The following NPLOC4 variants were observed in gnomAD, a reference collection of about 807,000 sequenced individuals.
The protein encoded by NPLOC4 is NPL4 homolog, ubiquitin recognition factor, also known as nuclear protein localization protein 4 homolog.
Under a neutral mutation model 80.6 loss-of-function variants are expected in NPLOC4, and 18 were observed. That is an observed-to-expected ratio of 0.22 (90% CI 0.15 to 0.33). The LOEUF (loss-of-function observed/expected upper bound fraction) is 0.33. Among genes scored for constraint, NPLOC4 ranks in the 10% least tolerant of loss-of-function variants. NPLOC4 has a pLI of 1.00. For synonymous variants in NPLOC4, 313 were observed against 301.5 expected, an observed-to-expected ratio of 1.04 and a Z score of -0.39; for missense variants, 540 against 786.1, an observed-to-expected ratio of 0.69 and a Z score of 3.74.
chr17:81,615,539 A>G (rs551883794), intron 3 of NPLOC4, among the ~76,000 whole-genome samples: 1 of 152,376 alleles, frequency 6.6e-6, no homozygotes, highest in East Asian at 1.9e-4. Flanking sequence ...AAAGTAGAGG[A>G]AATCCCCAGG....
chr17:81,626,248 G>A (rs543453013), intron 2 of NPLOC4, among the ~76,000 whole-genome samples: 13 of 151,666 alleles, frequency 8.6e-5, no homozygotes, highest in Admixed American at 3.9e-4. Flanking sequence ...CCCCGGAGGC[G>A]GAGGTTGCAG....
intron 16 of NPLOC4, among the ~76,000 whole-genome samples, chr17:81,559,748 T>TC (rs1555677035): frequency 2.4e-5 from 3 of 125,954 alleles, no homozygotes; most frequent in Admixed American, 7.8e-5. Context: ...TTTTTTTTTT[T>TC]CTGAGGTAGG....
chr17:81,586,833 G>C (rs1197055813), intron 12 of NPLOC4, among the ~76,000 whole-genome samples: 3 of 152,224 alleles, frequency 2.0e-5, no homozygotes, highest in African/African-American at 7.2e-5. Context: ...AAAAAGGGAA[G>C]GATCAACAAT....
chr17:81,570,473 C>T (rs572708872), intron 13 of NPLOC4, among the ~76,000 whole-genome samples: 5 of 152,334 alleles, frequency 3.3e-5, no homozygotes, highest in African/African-American at 2.4e-5. Flanking sequence ...CCCCAGAACA[C>T]GTGCTAGTGA....
intron 3 of NPLOC4, among the ~76,000 whole-genome samples, chr17:81,614,697 G>C (rs1332034743): frequency 1.3e-5 from 2 of 152,130 alleles, no homozygotes; most frequent in African/African-American, 4.8e-5. Context: ...CTGCCAACTT[G>C]GTGCCAGGTT....
intron 11 of NPLOC4, among the ~76,000 whole-genome samples, chr17:81,590,939 C>T (rs1423268533): frequency 6.6e-6 from 1 of 152,168 alleles, no homozygotes; most frequent in Non-Finnish European, 1.5e-5. Flanking sequence ...TTTCTCCCTG[C>T]CCCAAACTCA....
rs193125628 is a variant in NPLOC4 at position 81,609,451 on chromosome 17, C to T, written c.436-629G>A. ...CTTCCTGAGTAGCTGGGACTACAGGCGTGAACCACCACACCCAGCTAATTT... is the reference window on the plus strand; with the variant it reads ...CTTCCTGAGTAGCTGGGACTACAGGTGTGAACCACCACACCCAGCTAATTT... On this transcript the variant is annotated intron_variant, in intron 5 of 16. Coordinates refer to ENST00000331134, the MANE Select transcript of NPLOC4 (RefSeq NM_017921.4). Among the ~76,000 whole-genome samples, 9 of 152,132 alleles carry T rather than the reference C, an allele frequency of 5.9e-5. No individual in the cohort carries two copies. The East Asian group carries it at 1.7e-3, about 29-fold the overall frequency.
chr17:81,590,384 G>T (rs563223141), intron 11 of NPLOC4, among the ~76,000 whole-genome samples: 5 of 152,354 alleles, frequency 3.3e-5, no homozygotes, highest in African/African-American at 1.2e-4. Context: ...AAGTGAGCTG[G>T]GCAGATGATG....
At chr17:81,608,241 A>C (rs1459083866) in intron 6 of NPLOC4, among the ~76,000 whole-genome samples, 1 of 152,196 alleles carries the variant, frequency 6.6e-6, no homozygotes, top group Non-Finnish European at 1.5e-5. Context: ...AGATTCTCAC[A>C]GGGTAGTTGT....
chr17:81,582,678 C>G (rs943246001), intron 12 of NPLOC4, among the ~76,000 whole-genome samples: 10 of 152,226 alleles, frequency 6.6e-5, no homozygotes, highest in Non-Finnish European at 1.2e-4. Context: ...GCTGGGATTA[C>G]AAGTGTGAGC....
chr17:81,607,872 C>T (rs954598897), intron 6 of NPLOC4, among the ~76,000 whole-genome samples: 2 of 152,150 alleles, frequency 1.3e-5, no homozygotes, highest in Admixed American at 6.6e-5. Flanking sequence ...TACAATCAGG[C>T]GAATATGACA....
chr17:81,600,247 C>G, intron 9 of NPLOC4, 94 bp downstream of exon 9: 1 of 847,444 alleles, frequency 1.2e-6, no homozygotes, highest in Non-Finnish European at 1.9e-6. Flanking sequence ...AGCCAGTACC[C>G]GACACAGCCC....
At chr17:81,612,444 A>T (rs2035366028) in intron 4 of NPLOC4, among the ~76,000 whole-genome samples, 1 of 152,220 alleles carries the variant, frequency 6.6e-6, no homozygotes, top group Non-Finnish European at 1.5e-5. Flanking sequence ...GAGGAGACAC[A>T]AATGGAAGAG....
At chr17:81,599,295 A>C (rs1027009019) in intron 9 of NPLOC4, among the ~76,000 whole-genome samples, 1 of 152,114 alleles carries the variant, frequency 6.6e-6, no homozygotes, top group African/African-American at 2.4e-5. Context: ...CAAAAAAAAA[A>C]AATAAAATAA....
chr17:81,583,072 G>T (rs961413840), intron 12 of NPLOC4, among the ~76,000 whole-genome samples: 2 of 152,274 alleles, frequency 1.3e-5, no homozygotes, highest in African/African-American at 4.8e-5. Flanking sequence ...ACACACCCAT[G>T]TGCATTCATG....
chr17:81,629,779 T>C lies in NPLOC4; in HGVS notation c.42A>G (p.Gly14=), dbSNP rs759668591. Residue 14 remains glycine, a synonymous_variant, in exon 2 of 17, where the codon GGA becomes GGG. Coordinates refer to ENST00000331134, the MANE Select transcript of NPLOC4 (RefSeq NM_017921.4). ...SIIIRVQSPD[G]VKRITATKRE... is the part of the protein sequence containing the mutation. ...TCTTTGTTGCTGTGATCCGCTTCAC[T>C]CCATCCGGGGACTGGACACGAATTA... is the stretch of plus-strand genomic sequence containing the variant. 1 of 1,613,808 alleles carries C rather than the reference T, an allele frequency of 6.2e-7. No individual in the cohort carries two copies. Among genetic ancestry groups the C allele is most frequent in the Non-Finnish European group, 8.5e-7 (1 of 1,179,710 alleles).
intron 7 of NPLOC4, among the ~76,000 whole-genome samples, chr17:81,606,267 C>T (rs368658448): frequency 1.8e-4 from 28 of 152,068 alleles, no homozygotes; most frequent in Non-Finnish European, 4.0e-4. Flanking sequence ...TACTCAGAGG[C>T]GGGACAAGGA....
At chr17:81,617,846 A>C (rs1474214103) in intron 3 of NPLOC4, among the ~76,000 whole-genome samples, 2 of 152,042 alleles carry the variant, frequency 1.3e-5, no homozygotes, top group Non-Finnish European at 2.9e-5. Flanking sequence ...TTTTTGGTGG[A>C]GATGGGGTTT....
intron 12 of NPLOC4, among the ~76,000 whole-genome samples, chr17:81,578,495 A>G (rs1395281902): frequency 6.6e-6 from 1 of 152,282 alleles, no homozygotes; most frequent in Non-Finnish European, 1.5e-5. Flanking sequence ...GCTATAATGA[A>G]CTGCCCAAGA....
Sources: gnomAD v4.1 joint callset for allele counts (sites outside exome capture counted in the v4.1 genomes callset) on GRCh38, gnomAD v4.1.1 for gene constraint, MANE v1.5 for transcripts, NCBI Gene and HGNC (gene_info 2026-07-23, HGNC 2026-07-21) for gene names.